SRCAP: variants seen among roughly 807,000 people sequenced by gnomAD.
The protein encoded by SRCAP is Snf2 related CREBBP activator protein, also known as chromatin remodeling protein SRCAP.
Under a neutral mutation model 263.1 loss-of-function variants are expected in SRCAP, and 46 were observed. That is an observed-to-expected ratio of 0.17 (90% CI 0.14 to 0.22). SRCAP has a LOEUF of 0.22. SRCAP is among the 10% of genes least tolerant of loss of function. The pLI is 1.00. For missense variants in SRCAP, 3,695 were observed against 4,181.9 expected, an observed-to-expected ratio of 0.88 and a Z score of 3.21; for synonymous variants, 1,813 against 1,662.1, an observed-to-expected ratio of 1.09 and a Z score of -2.21.
In SRCAP at chr16:30,738,879, G is replaced by T. The variant is rs753420852; in HGVS notation, c.8839G>T (p.Asp2947Tyr). The T allele has an allele frequency of 6.2e-7, 1 of 1,614,010 alleles. No homozygotes were observed. Among genetic ancestry groups the T allele is most frequent in the African/African-American group, 1.3e-5 (1 of 74,914 alleles). Residue 2947 changes from aspartate (D) to tyrosine (Y), a missense_variant, in exon 34 of 34, where the codon GAT becomes TAT. This residue lies in a region of SRCAP where 1,207 missense variants were observed against 1,142.9 expected (regional missense o/e 1.06). Coordinates refer to ENST00000262518, the MANE Select transcript of SRCAP (RefSeq NM_006662.3). ...GCGAGGACGACCCCCTAAAGCACGAGATTTGCCCATCCCTGGGACCATTTC... is the reference window on the plus strand; with the variant it reads ...GCGAGGACGACCCCCTAAAGCACGATATTTGCCCATCCCTGGGACCATTTC... ...RRRGRPPKARDLPIPGTISSA... is the reference protein window; with the variant it reads ...RRRGRPPKARYLPIPGTISSA...
chr16:30,704,278 A>C lies in SRCAP; in HGVS notation c.269A>C (p.Glu90Ala), dbSNP rs1422385399. 1 of 1,613,000 alleles carries C rather than the reference A, an allele frequency of 6.2e-7. No homozygotes were observed. Among genetic ancestry groups the C allele is most frequent in the Admixed American group, 1.7e-5 (1 of 59,934 alleles). Residue 90 changes from glutamate to alanine, a missense_variant, in exon 4 of 34, where the codon GAG becomes GCG. Glu to Ala is a moderately radical substitution (Grantham distance 107, BLOSUM62 -1). Coordinates refer to ENST00000262518, the MANE Select transcript of SRCAP (RefSeq NM_006662.3). ...ADLANKGPKWEKSHAEIAEQA... is the reference protein window; with the variant it reads ...ADLANKGPKWAKSHAEIAEQA... ...CTGGCTAACAAGGGCCCGAAGTGGG[A>C]GAAGAGCCATGCCGAAATTGCAGAA...
rs991512670 is a variant in SRCAP, at chr16:30,701,241, C to G, written c.54+363C>G. The G allele has an allele frequency of 1.7e-5, 3 of 176,088 alleles. No homozygotes were observed. The Admixed American group carries it at 1.7e-4, about 10-fold the overall frequency. 10.9% of individuals were successfully genotyped at this position (176,088 alleles called of 1,614,324 possible). A position where few individuals can be genotyped will look rare whatever the true frequency, so the allele number is the denominator to read the frequency against. On this transcript the variant is annotated intron_variant, in intron 3 of 33. Transcript: ENST00000262518. ...TGTAGTGTTCATTCCTTTCTCATAC[C>G]AAGGAAGGGTGTGGGGTAGGAAAAA...
rs772916501 is a variant in SRCAP, at chr16:30,724,201, C to G, written c.4777C>G (p.Pro1593Ala). 1 of 1,613,942 alleles carries G rather than the reference C, an allele frequency of 6.2e-7. No homozygotes were observed. Among genetic ancestry groups the G allele is most frequent in the East Asian group, 2.2e-5 (1 of 44,866 alleles). Residue 1593 changes from proline (P) to alanine (A), a missense_variant, in exon 25 of 34, where the codon CCA becomes GCA. Physicochemically the swap from Pro to Ala is conservative, Grantham distance 27. Coordinates refer to ENST00000262518, the MANE Select transcript of SRCAP (RefSeq NM_006662.3). ...LATPLAPMAA[P>A]QTAILAPSPA... The stretch of plus-strand genomic sequence containing the variant: ...CACCCCTCTGGCTCCTATGGCGGCT[C>G]CACAGACAGCAATTCTGGCTCCTTC...
chr16:30,710,446 G>C (rs2052875607), intron 8 of SRCAP: 2 of 697,300 alleles, frequency 2.9e-6, no homozygotes, highest in South Asian at 3.0e-5. Flanking sequence ...TTGGCTTACA[G>C]GTTGGAAGCT....
At chr16:30,704,887 A>G (rs2052809633) in intron 4 of SRCAP, among the ~76,000 whole-genome samples, 1 of 152,150 alleles carries the variant, frequency 6.6e-6, no homozygotes, top group Non-Finnish European at 1.5e-5. Context: ...GTAAACTGTG[A>G]TGCTCTTAAG....
At position 30,724,925 on chromosome 16, in the gene SRCAP, C is replaced by A. The variant is rs755109993; in HGVS notation, c.5501C>A (p.Pro1834His). Reference sequence around the variant, plus strand: ...TCGGCATCTGGTGCCGCTCCCTTGCCTGTCACCATGGTATCCCGGCTGCCT... The same window carrying A: ...TCGGCATCTGGTGCCGCTCCCTTGCATGTCACCATGGTATCCCGGCTGCCT... ...VVSASGAAPL[P>H]VTMVSRLPVS... Residue 1834 changes from proline (P) to histidine (H), a missense_variant, in exon 25 of 34, where the codon CCT (proline) becomes CAT (histidine). Transcript: ENST00000262518. 2.5e-6 allele frequency: 4 copies of A among 1,614,124 alleles called. No homozygotes were observed. Among genetic ancestry groups the A allele is most frequent in the Non-Finnish European group, 3.4e-6 (4 of 1,180,060 alleles).
chr16:30,715,354 A>G (rs370234767), intron 16 of SRCAP, among the ~76,000 whole-genome samples: 4 of 151,638 alleles, frequency 2.6e-5, no homozygotes, highest in African/African-American at 9.7e-5. Context: ...TCACGAGGTC[A>G]GGACATCAAC....
intron 8 of SRCAP, 118 bp downstream of exon 8, chr16:30,710,246 A>G (rs2052872975): frequency 2.8e-6 from 3 of 1,086,238 alleles, no homozygotes; most frequent in South Asian, 3.3e-5. Flanking sequence ...AGTAATGGAC[A>G]TTTGGGCTCT....
chr16:30,733,858 T>C lies in SRCAP; in HGVS notation c.6495-36T>C. 1 of 1,613,184 alleles carries C rather than the reference T, an allele frequency of 6.2e-7. No individual in the cohort carries two copies. Among genetic ancestry groups the C allele is most frequent in the South Asian group, 1.1e-5 (1 of 91,028 alleles). On this transcript the variant is annotated intron_variant, in intron 29 of 33. Coordinates refer to ENST00000262518, the MANE Select transcript of SRCAP (RefSeq NM_006662.3). This position sits in a 1 kb window ranked among gnomAD's most constrained non-coding sequence, Gnocchi z 5.3. ...TTACTGATGGGGTTTCCTGGATATA[T>C]TTGGCTGCTTACACACGGCCTTCAT...
At chr16:30,717,734 G>A (rs535203160) in intron 18 of SRCAP, among the ~76,000 whole-genome samples, 2 of 141,172 alleles carry the variant, frequency 1.4e-5, no homozygotes, top group East Asian at 2.2e-4. Context: ...ACAGCCTCCC[G>A]AGTAGCTGGG....
intron 25 of SRCAP, 87 bp downstream of exon 25, chr16:30,725,169 AC>A (rs1197047131): frequency 2.0e-6 from 3 of 1,512,346 alleles, no homozygotes; most frequent in Non-Finnish European, 2.6e-6. Context: ...GTCACATTTA[AC>A]CTGGTGAATT....
chr16:30,724,816 C>G lies in SRCAP; in HGVS notation c.5392C>G (p.Leu1798Val). 1 of 1,613,826 alleles carries G rather than the reference C, an allele frequency of 6.2e-7. No homozygotes were observed. Among genetic ancestry groups the G allele is most frequent in the Non-Finnish European group, 8.5e-7 (1 of 1,179,802 alleles). ...LTLSPAPVPT[L>V]GPAAAQTLAL... ...CTTGAGCCCTGCCCCAGTTCCTACC[C>G]TGGGCCCGGCCGCAGCTCAGACCTT... Residue 1798 changes from leucine to valine, a missense_variant, in exon 25 of 34, where the codon CTG becomes GTG. Coordinates refer to ENST00000262518, the MANE Select transcript of SRCAP (RefSeq NM_006662.3).
intron 4 of SRCAP, among the ~76,000 whole-genome samples, chr16:30,705,271 G>A (rs528702235): frequency 6.6e-6 from 1 of 152,150 alleles, no homozygotes; most frequent in East Asian, 1.9e-4. Flanking sequence ...CTGCACACCA[G>A]CCTGGGTAAC....
Position 30,704,176 on chromosome 16 carries a change from C to T in SRCAP, c.167C>T (p.Ser56Leu), listed in dbSNP as rs539594195. The T allele has an allele frequency of 1.2e-6, 2 of 1,614,216 alleles. No individual in the cohort carries two copies. Among genetic ancestry groups the T allele is most frequent in the African/African-American group, 1.3e-5 (1 of 75,064 alleles). ...ISPQHIAQDS[S>L]LDGPPGPPDG... ...CCGCAGCACATAGCTCAAGATTCCT[C>T]ACTGGATGGACCTCCAGGCCCCCCA... The change falls in exon 4 of 34, where the codon TCA (serine) becomes TTA (leucine). Residue 56 changes from serine to leucine, a missense_variant. By Grantham distance (145) the Ser-to-Leu change is moderately radical (BLOSUM62 -2). Around this residue, in one of 12 missense-constraint regions of SRCAP, gnomAD observed 122 missense variants for 116.9 expected, o/e 1.04. Transcript: ENST00000262518.
At position 30,722,693 on chromosome 16, in the gene SRCAP, C is replaced by G; in HGVS notation, c.3837C>G (p.Thr1279=). The change falls in exon 23 of 34, where the codon ACC becomes ACG. Residue 1279 remains threonine (T), a synonymous_variant. Coordinates refer to ENST00000262518, the MANE Select transcript of SRCAP (RefSeq NM_006662.3). The part of the protein sequence containing the change: ...PTPVSVLPSS[T]PSTTPAPTGL... ...CTGTCTCTGTGCTGCCTTCTTCGACCCCCAGCACCACCCCTGCCCCTACTG... is the reference window on the plus strand; with the variant it reads ...CTGTCTCTGTGCTGCCTTCTTCGACGCCCAGCACCACCCCTGCCCCTACTG... 6.2e-7 allele frequency: 1 copy of G among 1,613,896 alleles called. No individual in the cohort carries two copies. Among genetic ancestry groups the G allele is most frequent in the Non-Finnish European group, 8.5e-7 (1 of 1,179,988 alleles).
In SRCAP at chr16:30,734,680, A is replaced by G. The variant is rs1269604656; in HGVS notation, c.6729+65A>G. ...CTTACAGAATATCTTGTCTTTTGTT[A>G]GTCTGTTGAGCTTGTCCAGGGGAAA... On this transcript the variant is annotated intron_variant, in intron 31 of 33. Coordinates refer to ENST00000262518, the MANE Select transcript of SRCAP (RefSeq NM_006662.3). 9 of 1,607,032 alleles carry G rather than the reference A, an allele frequency of 5.6e-6. No individual in the cohort carries two copies. In the East Asian group the frequency reaches 8.9e-5, roughly 16 times the overall value.
rs558570781 is a variant in SRCAP at position 30,708,148 on chromosome 16, A to G, written c.633+436A>G. ...TTCTTTTGTATATCTCTGTCCATTT[A>G]CACATAGACTTTATGCTGCTGGGAA... On this transcript the variant is annotated intron_variant, in intron 6 of 33. Coordinates refer to ENST00000262518, the MANE Select transcript of SRCAP (RefSeq NM_006662.3). Among the ~76,000 whole-genome samples, 8 of 152,166 alleles carry G rather than the reference A, an allele frequency of 5.3e-5. No individual in the cohort carries two copies. The South Asian group carries it at 1.7e-3, about 32-fold the overall frequency.
At chr16:30,722,384 C>A in intron 22 of SRCAP, 98 bp downstream of exon 22, 2 of 1,541,520 alleles carry the variant, frequency 1.3e-6, no homozygotes, top group South Asian at 2.5e-5. Flanking sequence ...GTTTCTTACC[C>A]AAGCTTTTGG....
In SRCAP at chr16:30,724,702, G is replaced by C. The variant is rs759089357; in HGVS notation, c.5278G>C (p.Val1760Leu). ...ACCCCCTCTGGCTCCAGCTTCTCCA[G>C]TGGGCCCAGCCCCAGCTCACACGCT... Reference protein sequence around the residue: ...PAPPLAPASPVGPAPAHTLTL... With the variant: ...PAPPLAPASPLGPAPAHTLTL... Residue 1760 changes from valine to leucine, a missense_variant, in exon 25 of 34, where the codon GTG becomes CTG. Physicochemically the swap from Val to Leu is conservative, Grantham distance 32. This residue lies in a region of SRCAP where 1,347 missense variants were observed against 1,304.4 expected (regional missense o/e 1.03). Coordinates refer to ENST00000262518, the MANE Select transcript of SRCAP (RefSeq NM_006662.3). 1 of 1,613,818 alleles carries C rather than the reference G, an allele frequency of 6.2e-7. No individual in the cohort carries two copies. Among genetic ancestry groups the C allele is most frequent in the Non-Finnish European group, 8.5e-7 (1 of 1,179,948 alleles).
Sources: gnomAD v4.1 joint callset for allele counts (sites outside exome capture counted in the v4.1 genomes callset) on GRCh38, gnomAD v4.1.1 for gene constraint, gnomAD v4.1.1 regional missense constraint, Gnocchi (gnomAD v3.1) non-coding constraint, MANE v1.5 for transcripts, NCBI Gene and HGNC (gene_info 2026-07-23, HGNC 2026-07-21) for gene names.